ADAP1: variants seen among roughly 807,000 people sequenced by gnomAD.
ADAP1 encodes the protein arf-GAP with dual PH domain-containing protein 1.
Under a neutral mutation model 54.9 loss-of-function variants are expected in ADAP1, and 31 were observed. The observed-to-expected ratio is 0.56, with a 90% confidence interval of 0.42 to 0.76. ADAP1 has a LOEUF of 0.76. ADAP1 is among the 30% of genes least tolerant of loss of function. The pLI, the probability that ADAP1 is intolerant of heterozygous loss-of-function variation, is 0.00. For synonymous variants in ADAP1, 313 were observed against 202.6 expected (o/e 1.55, Z -4.63); for missense variants, 535 against 512.4 (o/e 1.04, Z -0.42).
At chr7:899,835 A>G (rs527470645) in intron 8 of ADAP1, among the ~76,000 whole-genome samples, 1 of 152,194 alleles carries the variant, frequency 6.6e-6, no homozygotes, top group East Asian at 1.9e-4. Context: ...AGGGAATGGC[A>G]AGATGTGGGC....
At chr7:907,741 C>T (rs1215396278) in intron 4 of ADAP1, among the ~76,000 whole-genome samples, 1 of 152,234 alleles carries the variant, frequency 6.6e-6, no homozygotes, top group Non-Finnish European at 1.5e-5. Context: ...TCCTGGGCTC[C>T]GTCTGCCAGG....
rs1847135963 is a variant in ADAP1, at chr7:946,251, CCGCCGGCCGG to C, written c.82+8135_82+8144del. Among the ~76,000 whole-genome samples, 2 of 152,180 alleles carry C rather than the reference CCGCCGGCCGG, an allele frequency of 1.3e-5. No individual in the cohort carries two copies. Among genetic ancestry groups the C allele is most frequent in the Non-Finnish European group, 2.9e-5 (2 of 68,022 alleles). On this transcript the variant is annotated intron_variant, in intron 1 of 10. Coordinates refer to ENST00000265846, the MANE Select transcript of ADAP1 (RefSeq NM_006869.4). This position sits in a 1 kb window ranked among gnomAD's most constrained non-coding sequence, Gnocchi z 4.3. The stretch of plus-strand genomic sequence containing the variant: ...GTGGCCCCTGCAGGGATCCAGGCTC[CCGCCGGCCGG>C]TGGATCCCCGCCAGCGAGGCAGTGA...
At chr7:918,388 TC>T (rs1238566649) in intron 4 of ADAP1, among the ~76,000 whole-genome samples, 1 of 152,026 alleles carries the variant, frequency 6.6e-6, no homozygotes, top group East Asian at 1.9e-4. Flanking sequence ...GCTAATTTTT[TC>T]TTTTTTTTAA....
chr7:954,459 T>C lies in ADAP1; in HGVS notation c.19A>G (p.Arg7Gly). 9.4e-7 allele frequency: 1 copy of C among 1,061,622 alleles called. No individual in the cohort carries two copies. Among genetic ancestry groups the C allele is most frequent in the Admixed American group, 5.4e-5 (1 of 18,370 alleles). The allele number at this position is 1,061,622 out of a possible 1,614,324, so 65.8% of individuals were successfully genotyped here. Residue 7 changes from arginine (R) to glycine (G), a missense_variant, in exon 1 of 11, where the codon AGG becomes GGG. Arg to Gly is a moderately radical substitution (Grantham distance 125). Transcript: ENST00000265846. Reference protein sequence around the residue: MAKERRRAVLELLQRPG... With the variant: MAKERRGAVLELLQRPG... ...CGCTGCAGCAGCTCCAGGACCGCCC[T>C]GCGCCGCTCCTTGGCCATGGCCGCG...
chr7:926,957 C>T lies in ADAP1; in HGVS notation c.214-313G>A, dbSNP rs1031652711. 2.4e-6 allele frequency: 3 copies of T among 1,270,424 alleles called. No homozygotes were observed. The highest frequency in any genetic ancestry group is 3.1e-5 in the African/African-American group (2 of 64,590). The allele number at this position is 1,270,424 out of a possible 1,614,324, so 78.7% of individuals were successfully genotyped here. ...CCGTTTCAACCCCCAAGTCCACCCA[C>T]ACCGGGTGTCCCGTGGGAGAGAGCT... is the stretch of plus-strand genomic sequence containing the variant. On this transcript the variant is annotated intron_variant, in intron 2 of 10. Transcript: ENST00000265846. This position sits in a 1 kb window ranked among gnomAD's most constrained non-coding sequence, Gnocchi z 4.6.
chr7:904,048 A>G (rs74656328), intron 6 of ADAP1, 78 bp downstream of exon 6: 97,815 of 1,584,116 alleles, frequency 0.062, 3,347 homozygotes, highest in Middle Eastern at 0.082. Flanking sequence ...CCGTCCAAGC[A>G]CCCACCTTCC....
At position 899,107 on chromosome 7, in the gene ADAP1, T is replaced by C. The variant is rs753974204; in HGVS notation, c.1022A>G (p.Glu341Gly). Residue 341 changes from glutamate (E) to glycine (G), a missense_variant, in exon 10 of 11, where the codon GAG becomes GGG. Physicochemically the swap from Glu to Gly is moderately conservative, Grantham distance 98 (BLOSUM62 -2). Coordinates refer to ENST00000265846, the MANE Select transcript of ADAP1 (RefSeq NM_006869.4). ...CGCCACCCACTCCCTCTGGTCGGAC[T>C]CCGTCTCGCAGGCAAACAGAAACTT... Reference protein sequence around the residue: ...DRKFLFACETESDQREWVAAF... With the variant: ...DRKFLFACETGSDQREWVAAF... 6.2e-7 allele frequency: 1 copy of C among 1,608,474 alleles called. No individual in the cohort carries two copies. Among genetic ancestry groups the C allele is most frequent in the South Asian group, 1.1e-5 (1 of 91,092 alleles).
At chr7:951,904 C>T (rs1051160430) in intron 1 of ADAP1, among the ~76,000 whole-genome samples, 7 of 152,082 alleles carry the variant, frequency 4.6e-5, no homozygotes, top group African/African-American at 1.5e-4. Flanking sequence ...TGGCCTCAAG[C>T]GATCCTCCGG....
rs961113827 is a variant in ADAP1, at chr7:923,762, C to G, written c.305+2791G>C. ...CCTGCTCCGGACGCTGCCCGCCACT[C>G]TTAGCTCCTGCGAAGACGCCACCCG... On this transcript the variant is annotated intron_variant, in intron 3 of 10. Coordinates refer to ENST00000265846, the MANE Select transcript of ADAP1 (RefSeq NM_006869.4). 2.0e-5 allele frequency among the ~76,000 whole-genome samples: 3 copies of G among 152,144 alleles called. No homozygotes were observed. In the South Asian group the frequency reaches 6.2e-4, roughly 31 times the overall value.
intron 4 of ADAP1, among the ~76,000 whole-genome samples, chr7:907,652 T>C (rs767207615): frequency 3.3e-5 from 5 of 152,204 alleles, no homozygotes; most frequent in Non-Finnish European, 7.4e-5. Context: ...TGGAACTCTG[T>C]GTCCTGCGGA....
intron 2 of ADAP1, among the ~76,000 whole-genome samples, chr7:929,942 A>G (rs1846513567): frequency 6.6e-6 from 1 of 151,734 alleles, no homozygotes; most frequent in Admixed American, 6.6e-5. Flanking sequence ...CGTCTCTACA[A>G]AAAATACAAA....
At position 900,434 on chromosome 7, in the gene ADAP1, G is replaced by A. The variant is rs997402269; in HGVS notation, c.732+99C>T. 6.8e-6 allele frequency: 9 copies of A among 1,321,460 alleles called. No homozygotes were observed. The Admixed American group carries it at 1.2e-4, about 18-fold the overall frequency. The allele number at this position is 1,321,460 out of a possible 1,614,324, so 81.9% of individuals were successfully genotyped here. A position where few individuals can be genotyped will look rare whatever the true frequency, so the allele number is the denominator to read the frequency against. ...TTGGCCAGTCCCAGGCCCACCCTAG[G>A]GCTCAACATCATCCCAGACTCAGGG... On this transcript the variant is annotated intron_variant, in intron 7 of 10. Transcript: ENST00000265846.
At chr7:909,939 T>C (rs1236229026) in intron 4 of ADAP1, among the ~76,000 whole-genome samples, 3 of 152,172 alleles carry the variant, frequency 2.0e-5, no homozygotes, top group Non-Finnish European at 4.4e-5. Flanking sequence ...TGTGGGGAGC[T>C]GGGTCCAGTC....
Position 946,425 on chromosome 7 carries a change from C to T in ADAP1, c.82+7971G>A, listed in dbSNP as rs1847141548. Among the ~76,000 whole-genome samples the T allele has an allele frequency of 6.6e-6, 1 of 152,204 alleles. No individual in the cohort carries two copies. The highest frequency in any genetic ancestry group is 2.1e-4 in the South Asian group (1 of 4,838). On this transcript the variant is annotated intron_variant, in intron 1 of 10. Coordinates refer to ENST00000265846, the MANE Select transcript of ADAP1 (RefSeq NM_006869.4). The surrounding 1 kb of genome is among the most constrained non-coding windows in gnomAD (Gnocchi z 4.3). Reference sequence around the variant, plus strand: ...GGCCCTTTGGCCCTAGGAACAGGCCCTCCCAGGACCCAGATCCGCTGGCCC... The same window carrying T: ...GGCCCTTTGGCCCTAGGAACAGGCCTTCCCAGGACCCAGATCCGCTGGCCC...
intron 1 of ADAP1, among the ~76,000 whole-genome samples, chr7:944,403 C>T (rs111438568): frequency 0.025 from 3,758 of 151,820 alleles, 130 homozygotes; most frequent in African/African-American, 0.075. Flanking sequence ...TACAGGCGCC[C>T]GCCACCATGC....
Position 945,871 on chromosome 7 carries a change from T to G in ADAP1, c.82+8525A>C. ...TGGGCGGAGCCAGGTGGGGCAGGCG[T>G]GTCCCCCAAGCCAAGGCCCAGGCTG... On this transcript the variant is annotated intron_variant, in intron 1 of 10. Coordinates refer to ENST00000265846, the MANE Select transcript of ADAP1 (RefSeq NM_006869.4). The surrounding 1 kb of genome is among the most constrained non-coding windows in gnomAD (Gnocchi z 4.2). 3 of 980,654 alleles carry G rather than the reference T, an allele frequency of 3.1e-6. No individual in the cohort carries two copies. The highest frequency in any genetic ancestry group is 3.6e-6 in the Non-Finnish European group (3 of 825,590). The allele number at this position is 980,654 out of a possible 1,614,324, so 60.7% of individuals were successfully genotyped here. A position where few individuals can be genotyped will look rare whatever the true frequency, so the allele number is the denominator to read the frequency against.
chr7:905,206 T>C, intron 4 of ADAP1, 34 bp from the exon 5 acceptor site: 1 of 1,520,592 alleles, frequency 6.6e-7, no homozygotes, highest in Non-Finnish European at 8.9e-7. Flanking sequence ...TCGGTGACAG[T>C]GGATGGGGGG....
At chr7:900,868 GGGCC>G in intron 6 of ADAP1, 3 of 177,288 alleles carry the variant, frequency 1.7e-5, no homozygotes, top group South Asian at 1.5e-4. Flanking sequence ...GTCCTGAGAA[GGGCC>G]GAAGGGCCGA....
Position 926,609 on chromosome 7 carries a change from G to A in ADAP1, c.249C>T (p.Ala83=), listed in dbSNP as rs1846397611. The part of the protein sequence containing the change: ...MASHGNDAAR[A]RFESKVPSFY... ...AGGAGGGTACTTTGGACTCAAACCTGGCTCTCGCGGCGTCGTTCCCGTGGG... is the reference window on the plus strand; with the variant it reads ...AGGAGGGTACTTTGGACTCAAACCTAGCTCTCGCGGCGTCGTTCCCGTGGG... Residue 83 remains alanine, a synonymous_variant, in exon 3 of 11, where the codon GCC becomes GCT. Transcript: ENST00000265846. The surrounding 1 kb of genome is among the most constrained non-coding windows in gnomAD (Gnocchi z 4.6). 1.9e-6 allele frequency: 3 copies of A among 1,545,724 alleles called. No individual in the cohort carries two copies. The highest frequency in any genetic ancestry group is 2.6e-6 in the Non-Finnish European group (3 of 1,145,422).
Sources: allele counts gnomAD v4.1 joint callset (sites outside exome capture counted in the v4.1 genomes callset), GRCh38; gene constraint gnomAD v4.1.1; non-coding constraint Gnocchi (gnomAD v3.1); transcripts MANE v1.5; gene names NCBI Gene and HGNC (gene_info 2026-07-23, HGNC 2026-07-21).